Variants in ZMYND8 observed in about 807,000 individuals in gnomAD.
ZMYND8 encodes zinc finger MYND-type containing 8, also known as MYND-type zinc finger-containing chromatin reader ZMYND8.
ZMYND8 carries 37 observed loss-of-function variants against 140.8 expected under a neutral mutation model. The ratio of observed to expected loss-of-function variants is 0.26; its 90% CI spans 0.20 to 0.35. The LOEUF is 0.35. Among genes scored for constraint, ZMYND8 ranks in the 10% least tolerant of loss-of-function variants. The probability of loss-of-function intolerance (pLI) is 1.00; values close to 1 mark genes in which losing one functional copy is unlikely to be tolerated. For missense variants in ZMYND8, 1,068 were observed against 1,570.0 expected, an observed-to-expected ratio of 0.68 and a Z score of 5.40; for synonymous variants, 592 against 597.1, an observed-to-expected ratio of 0.99 and a Z score of 0.12.
chr20:47,270,196 C>T (rs532259795), intron 11 of ZMYND8, among the ~76,000 whole-genome samples: 255 of 150,828 alleles, frequency 1.7e-3, no homozygotes, highest in Non-Finnish European at 2.5e-3. Flanking sequence ...CATGATCACA[C>T]CACTGAACTC....
intron 2 of ZMYND8, chr20:47,318,765 A>G (rs1208218516): frequency 2.1e-6 from 1 of 484,426 alleles, no homozygotes; most frequent in African/African-American, 2.0e-5. Context: ...CTGTGCTTAT[A>G]AAGAATCTCT....
rs75049022 is a variant in ZMYND8 at position 47,291,450 on chromosome 20, T to C, written c.660+346A>G. 7.2e-5 allele frequency among the ~76,000 whole-genome samples: 11 copies of C among 152,330 alleles called. No homozygotes were observed. The East Asian group carries it at 2.1e-3, about 29-fold the overall frequency. On this transcript the variant is annotated intron_variant, in intron 6 of 22. Coordinates refer to ENST00000471951, the MANE Select transcript of ZMYND8 (RefSeq NM_001281775.3). ...CAGACACTTAATTTTCTCTTCTTCC[T>C]TCCTGCTGCTCTCATTAGCACCTCC... is the stretch of plus-strand genomic sequence containing the variant.
At chr20:47,291,194 G>A (rs909933297) in intron 6 of ZMYND8, among the ~76,000 whole-genome samples, 1 of 152,198 alleles carries the variant, frequency 6.6e-6, no homozygotes, top group African/African-American at 2.4e-5. Context: ...AAGACAATAT[G>A]AAGTAATGTT....
chr20:47,339,488 C>A (rs2081655314), intron 2 of ZMYND8, among the ~76,000 whole-genome samples: 1 of 151,868 alleles, frequency 6.6e-6, no homozygotes, highest in African/African-American at 2.4e-5. Context: ...AAGAACCATT[C>A]TTTTTTGAGA....
chr20:47,230,345 G>A (rs751392088), intron 16 of ZMYND8, among the ~76,000 whole-genome samples: 8 of 151,432 alleles, frequency 5.3e-5, no homozygotes, highest in Non-Finnish European at 8.8e-5. Flanking sequence ...AGACTGGAGT[G>A]CAGGGGCGTG....
intron 8 of ZMYND8, 23 bp from the exon 9 acceptor site, chr20:47,283,671 A>C (rs530246234): frequency 6.2e-7 from 1 of 1,609,890 alleles, no homozygotes; most frequent in South Asian, 1.1e-5. Context: ...AATACATTAG[A>C]ATGTGTCACC....
chr20:47,354,182 G>T lies in ZMYND8; in HGVS notation c.14+2475C>A, dbSNP rs970920769. 4 of 152,192 alleles carry T rather than the reference G, an allele frequency of 2.6e-5. 1 individual carries two copies. The highest frequency in any genetic ancestry group is 2.0e-4 in the Admixed American group (3 of 15,274). 9.4% of individuals were successfully genotyped at this position (152,192 alleles called of 1,614,324 possible). On this transcript the variant is annotated intron_variant, in intron 1 of 22. Transcript: ENST00000471951. Reference sequence around the variant, plus strand: ...GTACCAGAGGAAAAGTGGCTAGCTTGGTCCAGGGTTGGGAACTTGCTGGGG... The same window carrying T: ...GTACCAGAGGAAAAGTGGCTAGCTTTGTCCAGGGTTGGGAACTTGCTGGGG...
chr20:47,321,260 C>G (rs2079924538), intron 2 of ZMYND8, among the ~76,000 whole-genome samples: 1 of 152,138 alleles, frequency 6.6e-6, no homozygotes, highest in Non-Finnish European at 1.5e-5. Flanking sequence ...GTACACGCCC[C>G]CATCATCAAA....
rs774947275 is a variant in ZMYND8 at position 47,298,569 on chromosome 20, C to T, written c.453+160G>A. The T allele has an allele frequency of 5.5e-6, 8 of 1,451,406 alleles. No individual in the cohort carries two copies. Among genetic ancestry groups the T allele is most frequent in the South Asian group, 2.9e-5 (2 of 68,018 alleles). 89.9% of individuals were successfully genotyped at this position (1,451,406 alleles called of 1,614,324 possible). ...AGAGCTGCAGTACTGCAGCCACTGC[C>T]GGTGTTGGTCAAGAAGGGGGTGACC... On this transcript the variant is annotated intron_variant, in intron 4 of 22. Transcript: ENST00000471951. The surrounding 1 kb of genome is among the most constrained non-coding windows in gnomAD (Gnocchi z 5.0).
At chr20:47,212,532 CAGG>C (rs969835744) in intron 22 of ZMYND8, 107 bp downstream of exon 22, 60 of 1,254,056 alleles carry the variant, frequency 4.8e-5, no homozygotes, top group African/African-American at 4.6e-4. Context: ...CTCAAAAGAA[CAGG>C]AGAAGACACA....
intron 11 of ZMYND8, among the ~76,000 whole-genome samples, chr20:47,263,908 G>C (rs891074331): frequency 6.6e-6 from 1 of 152,122 alleles, no homozygotes. Context: ...CTAGGGCTTT[G>C]GGGTTATCCT....
chr20:47,349,144 G>A (rs1394826619), intron 1 of ZMYND8: 1 of 152,260 alleles, frequency 6.6e-6, no homozygotes, highest in African/African-American at 2.4e-5. Context: ...ATAAGGAGAA[G>A]ATTTTAGGAG....
intron 12 of ZMYND8, among the ~76,000 whole-genome samples, chr20:47,257,488 C>G (rs2074830493): frequency 2.0e-5 from 3 of 151,810 alleles, no homozygotes; most frequent in Admixed American, 2.0e-4. Context: ...ACAACACACA[C>G]ATACATACTT....
rs116839012 is a variant in ZMYND8, at chr20:47,262,301, C to G, written c.1608G>C (p.Leu536=). ...TDKTSTTGSI[L]NLNLDRSKAE... is the part of the protein sequence containing the mutation. ...ATTCTGACTGACCCAGGTTAAGATTCAGGATGCTGCCGGTGGTGGAGGTTT... is the reference window on the plus strand; with the variant it reads ...ATTCTGACTGACCCAGGTTAAGATTGAGGATGCTGCCGGTGGTGGAGGTTT... Residue 536 remains leucine (L), a synonymous_variant, in exon 12 of 23, where the codon CTG becomes CTC. Coordinates refer to ENST00000471951, the MANE Select transcript of ZMYND8 (RefSeq NM_001281775.3). 2.9e-4 allele frequency: 461 copies of G among 1,614,062 alleles called. 3 individuals are homozygous for G. In the African/African-American group the frequency reaches 5.5e-3, roughly 19 times the overall value.
chr20:47,254,311 C>T (rs1601306209), intron 12 of ZMYND8, among the ~76,000 whole-genome samples: 1 of 152,136 alleles, frequency 6.6e-6, no homozygotes, highest in Non-Finnish European at 1.5e-5. Flanking sequence ...GGCAGTTGGG[C>T]GATACCTCTC....
At chr20:47,260,381 G>A (rs529405263) in intron 12 of ZMYND8, among the ~76,000 whole-genome samples, 2 of 152,124 alleles carry the variant, frequency 1.3e-5, no homozygotes, top group African/African-American at 2.4e-5. Context: ...CGAGGCCCCC[G>A]TACTGTCTCC....
At chr20:47,244,342 T>G (rs576472903) in intron 14 of ZMYND8, among the ~76,000 whole-genome samples, 88 of 152,382 alleles carry the variant, frequency 5.8e-4, no homozygotes, top group Non-Finnish European at 1.0e-3. Flanking sequence ...GGGCAATGTT[T>G]CTTCTGGGCC....
chr20:47,310,047 C>A lies in ZMYND8; in HGVS notation c.234+9G>T. The A allele has an allele frequency of 6.2e-7, 1 of 1,614,154 alleles. No homozygotes were observed. The highest frequency in any genetic ancestry group is 8.5e-7 in the Non-Finnish European group (1 of 1,180,020). The stretch of plus-strand genomic sequence containing the variant: ...CCAGTGAGGACACCGTTCCCAGCGG[C>A]TGCTTTACCTGCTCCTTATTGTTAC... On this transcript the variant is annotated intron_variant, in intron 3 of 22. Coordinates refer to ENST00000471951, the MANE Select transcript of ZMYND8 (RefSeq NM_001281775.3).
intron 14 of ZMYND8, among the ~76,000 whole-genome samples, chr20:47,240,900 C>T (rs966636954): frequency 6.6e-6 from 1 of 152,096 alleles, no homozygotes; most frequent in East Asian, 1.9e-4. Context: ...TATATCACCC[C>T]GGCTGGGCTC....
Sources: gnomAD v4.1 joint callset for allele counts (sites outside exome capture counted in the v4.1 genomes callset) on GRCh38, gnomAD v4.1.1 for gene constraint, Gnocchi (gnomAD v3.1) non-coding constraint, MANE v1.5 for transcripts, NCBI Gene and HGNC (gene_info 2026-07-23, HGNC 2026-07-21) for gene names.